The following DPP10 variants were observed in gnomAD, a reference collection of about 807,000 sequenced individuals.
DPP10 encodes inactive dipeptidyl peptidase 10.
DPP10 carries 33 observed loss-of-function variants against 120.9 expected under a neutral mutation model. That is an observed-to-expected ratio of 0.27 (90% CI 0.21 to 0.37). The LOEUF is 0.37. Ranked by LOEUF, DPP10 falls within the 10% of genes least tolerant of loss-of-function variation. DPP10 has a pLI of 1.00. For missense variants in DPP10, 816 were observed against 942.8 expected, an observed-to-expected ratio of 0.87 and a Z score of 1.76; for synonymous variants, 337 against 326.1, an observed-to-expected ratio of 1.03 and a Z score of -0.36.
chr2:115,706,843 A>G (rs752936977), intron 7 of DPP10, among the ~76,000 whole-genome samples: 9 of 152,010 alleles, frequency 5.9e-5, no homozygotes, highest in South Asian at 2.1e-4. Context: ...TGGCATGCAG[A>G]TAACTCCCCA....
intron 1 of DPP10, among the ~76,000 whole-genome samples, chr2:115,062,456 T>C (rs921234457): frequency 6.6e-6 from 1 of 152,214 alleles, no homozygotes; most frequent in Non-Finnish European, 1.5e-5. Flanking sequence ...CATGGTGATT[T>C]GCTGTACCTA....
intron 1 of DPP10, among the ~76,000 whole-genome samples, chr2:114,497,475 A>G (rs1682779613): frequency 6.6e-6 from 1 of 151,448 alleles, no homozygotes; most frequent in Non-Finnish European, 1.5e-5. Context: ...TGCATCTAAG[A>G]ATAGGGTCAG....
chr2:114,835,307 A>ACATATCTACACACCTATGTATATATAAGC (rs1558792821), intron 1 of DPP10: 3 of 140,556 alleles, frequency 2.1e-5, no homozygotes, highest in Admixed American at 7.2e-5. Context: ...TATATATAAG[A>ACATATCTACACACCTATGTATATATAAGC]CATATCTACA....
At chr2:115,448,710 C>T (rs1278317533) in intron 3 of DPP10, among the ~76,000 whole-genome samples, 2 of 151,888 alleles carry the variant, frequency 1.3e-5, no homozygotes, top group Non-Finnish European at 2.9e-5. Flanking sequence ...CCTCAATTTT[C>T]CTATGAATTG....
intron 1 of DPP10, among the ~76,000 whole-genome samples, chr2:114,837,412 G>A (rs1320000032): frequency 6.6e-6 from 1 of 152,118 alleles, no homozygotes. Context: ...CCTTCTTGAG[G>A]GCAGGCTCTT....
At chr2:115,107,723 A>G (rs1055330608) in intron 1 of DPP10, among the ~76,000 whole-genome samples, 9 of 152,112 alleles carry the variant, frequency 5.9e-5, no homozygotes, top group Admixed American at 2.6e-4. Context: ...AAAGATAATG[A>G]CTAAGGCAAT....
At chr2:114,580,491 A>G (rs538389500) in intron 1 of DPP10, among the ~76,000 whole-genome samples, 60 of 152,224 alleles carry the variant, frequency 3.9e-4, no homozygotes, top group Non-Finnish European at 7.9e-4. Flanking sequence ...GAGACACAGC[A>G]CACTGGCTTT....
At chr2:115,495,308 C>T (rs1342678140) in intron 3 of DPP10, among the ~76,000 whole-genome samples, 1 of 128,554 alleles carries the variant, frequency 7.8e-6, no homozygotes, top group Non-Finnish European at 1.6e-5. Context: ...ATAATTGAGC[C>T]ATTTACCCAG....
chr2:114,695,940 A>G (rs1230717332), intron 1 of DPP10, among the ~76,000 whole-genome samples: 2 of 152,112 alleles, frequency 1.3e-5, no homozygotes, highest in Non-Finnish European at 2.9e-5. Flanking sequence ...ATTACAATGG[A>G]CTATATATTT....
intron 1 of DPP10, among the ~76,000 whole-genome samples, chr2:114,801,945 TACCTTG>T (rs150106037): frequency 0.042 from 6,358 of 152,192 alleles, 435 homozygotes; most frequent in African/African-American, 0.15. Context: ...CCCAAATTTC[TACCTTG>T]CTGTGCGAAC....
intron 1 of DPP10, among the ~76,000 whole-genome samples, chr2:115,141,172 T>C (rs938042344): frequency 2.0e-5 from 3 of 152,216 alleles, no homozygotes; most frequent in African/African-American, 7.2e-5. Flanking sequence ...GCCAACTGTG[T>C]GGCTTGGAAA....
chr2:115,038,505 CTGACCTCG>C, intron 1 of DPP10, among the ~76,000 whole-genome samples: 1 of 152,004 alleles, frequency 6.6e-6, no homozygotes, highest in African/African-American at 2.4e-5. Context: ...TCTCTATCTC[CTGACCTCG>C]TGATCCGCCC....
chr2:115,551,849 G>C (rs2079892843), intron 5 of DPP10, among the ~76,000 whole-genome samples: 1 of 152,024 alleles, frequency 6.6e-6, no homozygotes, highest in African/African-American at 2.4e-5. Context: ...TCAGCTACAA[G>C]TACAAGAAAA....
At chr2:115,077,504 C>A (rs989937211) in intron 1 of DPP10, among the ~76,000 whole-genome samples, 2 of 152,106 alleles carry the variant, frequency 1.3e-5, no homozygotes, top group Non-Finnish European at 2.9e-5. Context: ...CTTTGACATT[C>A]CCTAATTTCA....
At chr2:114,925,240 GGTA>G (rs1355827512) in intron 1 of DPP10, among the ~76,000 whole-genome samples, 1 of 149,178 alleles carries the variant, frequency 6.7e-6, no homozygotes, top group East Asian at 2.0e-4. Context: ...AAATCAGTCA[GGTA>G]GTGATTAAGC....
At chr2:114,546,902 G>A (rs945451483) in intron 1 of DPP10, among the ~76,000 whole-genome samples, 1 of 152,220 alleles carries the variant, frequency 6.6e-6, no homozygotes, top group Non-Finnish European at 1.5e-5. Context: ...TTTAAGATGT[G>A]ATCTGTCTGT....
chr2:115,391,008 C>A (rs1486721053), intron 3 of DPP10, among the ~76,000 whole-genome samples: 2 of 151,944 alleles, frequency 1.3e-5, no homozygotes, highest in Non-Finnish European at 2.9e-5. Flanking sequence ...TGTATGGAGA[C>A]TATTAGATAA....
At chr2:115,097,223 C>T (rs1247150100) in intron 1 of DPP10, among the ~76,000 whole-genome samples, 1 of 152,012 alleles carries the variant, frequency 6.6e-6, no homozygotes, top group Non-Finnish European at 1.5e-5. Context: ...CAACAGAATG[C>T]CCCCCAAATT....
At chr2:114,621,851 G>A (rs940915833) in intron 1 of DPP10, among the ~76,000 whole-genome samples, 2 of 151,580 alleles carry the variant, frequency 1.3e-5, no homozygotes, top group Admixed American at 6.6e-5. Context: ...CCCTCAAAAT[G>A]CAATTTGATT....
Sources: allele counts gnomAD v4.1 joint callset (sites outside exome capture counted in the v4.1 genomes callset), GRCh38; gene constraint gnomAD v4.1.1; transcripts MANE v1.5; gene names NCBI Gene and HGNC (gene_info 2026-07-23, HGNC 2026-07-21).